The following OS9 variants were observed in gnomAD, a reference collection of about 807,000 sequenced individuals.
The protein encoded by OS9 is OS9 endoplasmic reticulum lectin.
OS9 carries 58 observed loss-of-function variants against 84.7 expected under a neutral mutation model. The ratio of observed to expected loss-of-function variants is 0.68; its 90% CI spans 0.55 to 0.85. The LOEUF is 0.85. Among genes scored for constraint, OS9 ranks in the 40% least tolerant of loss-of-function variants. OS9 has a pLI of 0.00. For missense variants in OS9, 760 were observed against 850.9 expected (o/e 0.89, Z 1.33); for synonymous variants, 278 against 320.8 (o/e 0.87, Z 1.43).
chr12:57,694,232 T>A lies in OS9; in HGVS notation c.71T>A (p.Leu24Gln). ...LLLGLLLPAS[L>Q]TGGVGSLNLE... Reference sequence around the variant, plus strand: ...CTGGGACTCCTGTTACCCGCAAGTCTGACCGGCGGTGTCGGGAGCCTGAAC... The same window carrying A: ...CTGGGACTCCTGTTACCCGCAAGTCAGACCGGCGGTGTCGGGAGCCTGAAC... The change falls in exon 1 of 15, where the codon CTG (leucine) becomes CAG (glutamine). Residue 24 changes from leucine to glutamine, a missense_variant. Coordinates refer to ENST00000315970, the MANE Select transcript of OS9 (RefSeq NM_006812.4). 1 of 1,614,150 alleles carries A rather than the reference T, an allele frequency of 6.2e-7. No homozygotes were observed. The highest frequency in any genetic ancestry group is 1.7e-5 in the Admixed American group (1 of 60,018).
Position 57,719,973 on chromosome 12 carries a change from C to T in OS9, c.1601-126C>T, listed in dbSNP as rs1018450200. On this transcript the variant is annotated intron_variant, in intron 12 of 14. Transcript: ENST00000315970. The stretch of plus-strand genomic sequence containing the variant: ...GCACACATTTTTTTGAGCCCTGGCT[C>T]ATATACATGTTGAGATGGAAGAGCT... 9.3e-6 allele frequency: 8 copies of T among 858,878 alleles called. No homozygotes were observed. The Middle Eastern group carries it at 1.1e-3, about 119-fold the overall frequency. 53.2% of individuals were successfully genotyped at this position (858,878 alleles called of 1,614,324 possible).
In OS9 at chr12:57,718,237, G is replaced by T. The variant is rs751051620; in HGVS notation, c.1226G>T (p.Arg409Leu). 9.9e-6 allele frequency: 16 copies of T among 1,614,028 alleles called. No homozygotes were observed. The highest frequency in any genetic ancestry group is 1.3e-5 in the African/African-American group (1 of 74,906). ...GAGAAGGAAAGGGGTGATCCAGAAC[G>T]GCAGAGAGAGATGGAAGAAGAGGAG... ...EPEKERGDPE[R>L]QREMEEEEDE... Residue 409 changes from arginine (R) to leucine (L), a missense_variant, in exon 11 of 15, where the codon CGG becomes CTG. Arg to Leu is a moderately radical substitution (Grantham distance 102, BLOSUM62 -2). Transcript: ENST00000315970.
At chr12:57,709,001 C>T (rs556714234) in intron 5 of OS9, among the ~76,000 whole-genome samples, 2 of 152,276 alleles carry the variant, frequency 1.3e-5, no homozygotes, top group South Asian at 4.1e-4. Flanking sequence ...ATCAGGTAGG[C>T]ATCAGAGAAA....
At position 57,697,895 on chromosome 12, in the gene OS9, CCTAACATAAGCAA is replaced by C. The variant is rs1953898878; in HGVS notation, c.579+1523_579+1535del. 2.2e-3 allele frequency among the ~76,000 whole-genome samples: 109 copies of C among 49,676 alleles called. 1 individual carries two copies. The highest frequency in any genetic ancestry group is 2.8e-3 in the Non-Finnish European group (56 of 19,774). The allele number at this position is 49,676 out of a possible 152,430, so 32.6% of individuals were successfully genotyped here. ...CACACACACACACACACACACGGAA[CCTAACATAAGCAA>C]ACACACACACACACATACACACACA... On this transcript the variant is annotated intron_variant, in intron 5 of 14. Transcript: ENST00000315970.
intron 8 of OS9, 69 bp from the exon 9 acceptor site, chr12:57,716,624 C>T: frequency 6.4e-7 from 1 of 1,553,218 alleles, no homozygotes; most frequent in East Asian, 2.2e-5. Flanking sequence ...TCCCCAGAAC[C>T]TTTGCCTTCA....
At chr12:57,707,038 G>C (rs765506864) in intron 5 of OS9, among the ~76,000 whole-genome samples, 8 of 151,860 alleles carry the variant, frequency 5.3e-5, no homozygotes, top group Admixed American at 1.3e-4. Context: ...TTATTCATTT[G>C]TCTAAATTTT....
intron 5 of OS9, among the ~76,000 whole-genome samples, chr12:57,697,692 T>A (rs1466747674): frequency 6.6e-6 from 1 of 152,152 alleles, no homozygotes; most frequent in Non-Finnish European, 1.5e-5. Context: ...GATAGAGATA[T>A]AAGTACTCAT....
intron 5 of OS9, among the ~76,000 whole-genome samples, chr12:57,710,321 C>A (rs10082911): frequency 0.57 from 86,895 of 151,916 alleles, 25,746 homozygotes; most frequent in Middle Eastern, 0.69. Flanking sequence ...TCTTTTTAAT[C>A]TCTGTGGCAT....
chr12:57,718,134 C>G lies in OS9; in HGVS notation c.1135-12C>G. ...CCCCAACTGTCTTTCTCCCCACTCCCTACCCACCCAGGGGAAGCCAAATAT... is the reference window on the plus strand; with the variant it reads ...CCCCAACTGTCTTTCTCCCCACTCCGTACCCACCCAGGGGAAGCCAAATAT... On this transcript the variant is annotated splice_polypyrimidine_tract_variant and intron_variant, in intron 10 of 14. Transcript: ENST00000315970. 6.2e-7 allele frequency: 1 copy of G among 1,611,148 alleles called. No homozygotes were observed. The highest frequency in any genetic ancestry group is 1.1e-5 in the South Asian group (1 of 90,780).
At chr12:57,716,540 G>C (rs1565780323) in intron 8 of OS9, 28 bp downstream of exon 8, 1 of 1,547,266 alleles carries the variant, frequency 6.5e-7, no homozygotes, top group Non-Finnish European at 8.8e-7. Flanking sequence ...AGAGGAGCAG[G>C]ATGGGGATGG....
intron 1 of OS9, 130 bp downstream of exon 1, chr12:57,694,453 G>T: frequency 9.8e-7 from 1 of 1,015,818 alleles, no homozygotes; most frequent in East Asian, 2.6e-5. Flanking sequence ...TTGCTTTTAC[G>T]GTGACCCCTG....
In OS9 at chr12:57,718,209, C is replaced by A; in HGVS notation, c.1198C>A (p.Pro400Thr). 2 of 1,613,708 alleles carry A rather than the reference C, an allele frequency of 1.2e-6. No individual in the cohort carries two copies. The highest frequency in any genetic ancestry group is 1.1e-5 in the South Asian group (1 of 91,054). ...DDAAEVPQREPEKERGDPERQ... is the reference protein window; with the variant it reads ...DDAAEVPQRETEKERGDPERQ... ...TGCTGCAGAAGTCCCTCAGAGGGAA[C>A]CAGAGAAGGAAAGGGGTGATCCAGA... Residue 400 changes from proline (P) to threonine (T), a missense_variant, in exon 11 of 15, where the codon CCA becomes ACA. Pro to Thr is a conservative substitution (Grantham distance 38, BLOSUM62 -1). Transcript: ENST00000315970.
intron 5 of OS9, among the ~76,000 whole-genome samples, chr12:57,715,065 A>ATATTTAT (rs1954444303): frequency 1.3e-5 from 2 of 152,006 alleles, no homozygotes; most frequent in African/African-American, 4.8e-5. Flanking sequence ...ATATATATAC[A>ATATTTAT]CTTTAAAAAA....
At position 57,720,088 on chromosome 12, in the gene OS9, C is replaced by CA; in HGVS notation, c.1601-11_1601-10insA. 1.9e-6 allele frequency: 3 copies of CA among 1,612,406 alleles called. No individual in the cohort carries two copies. Among genetic ancestry groups the CA allele is most frequent in the Non-Finnish European group, 2.5e-6 (3 of 1,179,408 alleles). On this transcript the variant is annotated splice_polypyrimidine_tract_variant and intron_variant, in intron 12 of 14. Coordinates refer to ENST00000315970, the MANE Select transcript of OS9 (RefSeq NM_006812.4). ...CTGCTTTGTGTTTCCCTGTGTGTCT[C>CA]CCCCTCTAAGAGGAGGATCCTGAGC...
rs1954503561 is a variant in OS9 at position 57,716,519 on chromosome 12, C to A, written c.993+7C>A. 2 of 1,567,518 alleles carry A rather than the reference C, an allele frequency of 1.3e-6. No individual in the cohort carries two copies. Among genetic ancestry groups the A allele is most frequent in the African/African-American group, 2.7e-5 (2 of 74,176 alleles). On this transcript the variant is annotated splice_region_variant and intron_variant, in intron 8 of 14. Transcript: ENST00000315970. The stretch of plus-strand genomic sequence containing the variant: ...GGAGGAGGTGCCGGCTGAGGTGAGA[C>A]CAGCTGCCTCAGAGGAGCAGGATGG...
At chr12:57,720,644 G>T in intron 14 of OS9, 126 bp downstream of exon 14, 1 of 1,285,272 alleles carries the variant, frequency 7.8e-7, no homozygotes, top group South Asian at 1.3e-5. Flanking sequence ...GGGTTCCAGT[G>T]GCTCAGAGTG....
intron 2 of OS9, 21 bp downstream of exon 2, chr12:57,694,947 T>C: frequency 6.2e-7 from 1 of 1,610,890 alleles, no homozygotes; most frequent in Non-Finnish European, 8.5e-7. Flanking sequence ...CTGGGTTAGA[T>C]AGAATGAGGG....
rs1954632188 is a variant in OS9 at position 57,720,154 on chromosome 12, C to T, written c.1656C>T (p.Gly552=). ...GGGTCACCAAGCTCCGTCTCGGAGG[C>T]CCTAATCAGGATCTGACTGTCCTCG... is the stretch of plus-strand genomic sequence containing the variant. ...RVRVTKLRLG[G]PNQDLTVLEM... The change falls in exon 13 of 15, where the codon GGC becomes GGT. Residue 552 remains glycine (G), a synonymous_variant. Transcript: ENST00000315970. 3 of 1,614,060 alleles carry T rather than the reference C, an allele frequency of 1.9e-6. No individual in the cohort carries two copies. The highest frequency in any genetic ancestry group is 1.3e-5 in the African/African-American group (1 of 74,928).
At chr12:57,696,241 C>T in intron 4 of OS9, 34 bp from the exon 5 acceptor site, 1 of 1,518,008 alleles carries the variant, frequency 6.6e-7, no homozygotes, top group Non-Finnish European at 9.1e-7. Context: ...CTATCTTTCT[C>T]ATGTCCCCCA....
Sources: allele counts gnomAD v4.1 joint callset (sites outside exome capture counted in the v4.1 genomes callset), GRCh38; gene constraint gnomAD v4.1.1; transcripts MANE v1.5; gene names NCBI Gene and HGNC (gene_info 2026-07-23, HGNC 2026-07-21).